The following KYNU variants were observed in gnomAD, a reference collection of about 807,000 sequenced individuals.
The protein encoded by KYNU is kynureninase, also known as L-kynurenine hydrolase.
Under a neutral mutation model 59.2 loss-of-function variants are expected in KYNU, and 54 were observed. The ratio of observed to expected loss-of-function variants is 0.91; its 90% CI spans 0.73 to 1.14. The LOEUF (loss-of-function observed/expected upper bound fraction) is 1.14, where lower values mean the gene tolerates loss of function less well. Ranked by LOEUF, KYNU falls within the 50% of genes most tolerant of loss-of-function variation. The pLI, the probability that KYNU is intolerant of heterozygous loss-of-function variation, is 0.00. For missense variants in KYNU, 567 were observed against 554.4 expected (o/e 1.02, Z -0.23); for synonymous variants, 177 against 192.0 (o/e 0.92, Z 0.65).
intron 2 of KYNU, among the ~76,000 whole-genome samples, chr2:142,900,031 G>A (rs1276229491): frequency 6.6e-6 from 1 of 152,140 alleles, no homozygotes; most frequent in East Asian, 1.9e-4. Flanking sequence ...GGCCTCAAAG[G>A]TTCCAAAGAA....
At chr2:143,041,575 AT>A (rs1687061110) in intron 13 of KYNU, among the ~76,000 whole-genome samples, 1 of 152,008 alleles carries the variant, frequency 6.6e-6, no homozygotes, top group African/African-American at 2.4e-5. Context: ...GGCATGTCAA[AT>A]TATCTGGTGC....
intron 4 of KYNU, among the ~76,000 whole-genome samples, chr2:142,933,776 C>G (rs1028823561): frequency 6.6e-6 from 1 of 152,050 alleles, no homozygotes; most frequent in Admixed American, 6.6e-5. Flanking sequence ...GGATAGGGTA[C>G]TGAGGTCAAG....
At chr2:142,883,356 G>A (rs1007943963) in intron 1 of KYNU, among the ~76,000 whole-genome samples, 4 of 151,456 alleles carry the variant, frequency 2.6e-5, no homozygotes, top group Admixed American at 1.3e-4. Context: ...CACCTCGCAC[G>A]GCTAATTTTT....
At chr2:142,988,047 C>T (rs559830516) in intron 10 of KYNU, among the ~76,000 whole-genome samples, 1 of 151,902 alleles carries the variant, frequency 6.6e-6, no homozygotes, top group African/African-American at 2.4e-5. Context: ...CAAATTAAAC[C>T]TCTTTTCTTT....
rs1024913636 is a variant in KYNU at position 143,043,356 on chromosome 2, A to G, written c.*1184A>G. On this transcript the variant is annotated 3_prime_UTR_variant, in exon 14 of 14. Coordinates refer to ENST00000264170, the MANE Select transcript of KYNU (RefSeq NM_003937.3). Reference sequence around the variant, plus strand: ...CTAGTTTTCAATTGTTGATGCCACAATCATTATTTATAAGTTGACAAAATA... The same window carrying G: ...CTAGTTTTCAATTGTTGATGCCACAGTCATTATTTATAAGTTGACAAAATA... 6.6e-6 allele frequency: 1 copy of G among 152,038 alleles called. No homozygotes were observed. Among genetic ancestry groups the G allele is most frequent in the African/African-American group, 2.4e-5 (1 of 41,438 alleles). 9.4% of individuals were successfully genotyped at this position (152,038 alleles called of 1,614,324 possible). A position where few individuals can be genotyped will look rare whatever the true frequency, so the allele number is the denominator to read the frequency against.
At chr2:142,946,845 A>T (rs1361746694) in intron 4 of KYNU, among the ~76,000 whole-genome samples, 1 of 151,868 alleles carries the variant, frequency 6.6e-6, no homozygotes, top group Non-Finnish European at 1.5e-5. Flanking sequence ...CCAATAGAGG[A>T]CTCATTCATC....
chr2:142,988,402 A>C lies in KYNU; in HGVS notation c.902+2381A>C, dbSNP rs547544281. Among the ~76,000 whole-genome samples, 17 of 152,022 alleles carry C rather than the reference A, an allele frequency of 1.1e-4. No individual in the cohort carries two copies. In the East Asian group the frequency reaches 3.3e-3, roughly 30 times the overall value. ...TTGTAACTATCACCAAGTTTATTTT[A>C]GCAGACCTTTGATGAGCTGACTGTA... On this transcript the variant is annotated intron_variant, in intron 10 of 13. Coordinates refer to ENST00000264170, the MANE Select transcript of KYNU (RefSeq NM_003937.3).
intron 2 of KYNU, among the ~76,000 whole-genome samples, chr2:142,896,204 A>G (rs1008917380): frequency 1.3e-5 from 2 of 152,208 alleles, no homozygotes; most frequent in African/African-American, 4.8e-5. Context: ...AGAAACTGGC[A>G]AACTTTTCCA....
At chr2:142,997,683 T>C (rs1685582571) in intron 10 of KYNU, among the ~76,000 whole-genome samples, 1 of 152,166 alleles carries the variant, frequency 6.6e-6, no homozygotes, top group Admixed American at 6.5e-5. Flanking sequence ...TTTTATTATA[T>C]TTTGATTTGG....
chr2:143,040,071 T>C (rs189157013), intron 12 of KYNU, among the ~76,000 whole-genome samples: 5 of 152,224 alleles, frequency 3.3e-5, no homozygotes, highest in East Asian at 1.9e-4. Context: ...CTGACTTTTT[T>C]AGTTTTTAAT....
chr2:142,943,140 G>A (rs1228680578), intron 4 of KYNU, among the ~76,000 whole-genome samples: 2 of 152,156 alleles, frequency 1.3e-5, no homozygotes, highest in Non-Finnish European at 2.9e-5. Flanking sequence ...ATTTTAGAGA[G>A]ACAGTTAACA....
intron 11 of KYNU, among the ~76,000 whole-genome samples, chr2:143,033,026 A>G (rs1415975362): frequency 1.3e-5 from 2 of 152,158 alleles, no homozygotes; most frequent in East Asian, 3.8e-4. Context: ...GTGTTCTGCT[A>G]AGAAGTTGGG....
At position 143,050,810 on chromosome 2, in the gene KYNU, C is replaced by T. The variant is rs1033691822; in HGVS notation, c.*8638C>T. 11 of 152,100 alleles carry T rather than the reference C, an allele frequency of 7.2e-5. No individual in the cohort carries two copies. Among genetic ancestry groups the T allele is most frequent in the African/African-American group, 2.4e-4 (10 of 41,416 alleles). 9.4% of individuals were successfully genotyped at this position (152,100 alleles called of 1,614,324 possible). ...ACATTTAAATTATATAGTGTATTTT[C>T]TCCATAAACTGAAGTTGTTAGAACA... On this transcript the variant is annotated 3_prime_UTR_variant, in exon 14 of 14. Transcript: ENST00000264170.
intron 4 of KYNU, among the ~76,000 whole-genome samples, chr2:142,935,848 C>T (rs763086873): frequency 2.6e-5 from 4 of 151,940 alleles, no homozygotes; most frequent in South Asian, 2.1e-4. Context: ...AGGATACATA[C>T]GGGCGTAAGG....
At chr2:142,947,456 G>A (rs1044582048) in intron 4 of KYNU, 1 of 428,100 alleles carries the variant, frequency 2.3e-6, no homozygotes, top group African/African-American at 2.0e-5. Flanking sequence ...TTCTTTAAAA[G>A]CCTTTTTCCC....
At chr2:143,030,668 A>ATTG (rs1236429637) in intron 11 of KYNU, among the ~76,000 whole-genome samples, 1 of 151,808 alleles carries the variant, frequency 6.6e-6, no homozygotes, top group African/African-American at 2.4e-5. Flanking sequence ...TATTATTATT[A>ATTG]TTATTTAGTG....
chr2:142,956,602 T>G (rs573295808), intron 6 of KYNU, among the ~76,000 whole-genome samples: 1 of 152,280 alleles, frequency 6.6e-6, no homozygotes, highest in South Asian at 2.1e-4. Context: ...TGAAATCAAA[T>G]CAATACAAAC....
intron 10 of KYNU, among the ~76,000 whole-genome samples, chr2:142,988,278 T>C (rs966083614): frequency 7.9e-5 from 12 of 151,944 alleles, no homozygotes; most frequent in African/African-American, 2.9e-4. Context: ...ACTGAGAATG[T>C]GCATAGTAAC....
intron 4 of KYNU, among the ~76,000 whole-genome samples, chr2:142,928,646 T>G (rs897187945): frequency 2.0e-5 from 3 of 152,096 alleles, no homozygotes; most frequent in Admixed American, 6.5e-5. Flanking sequence ...GAGACTATCT[T>G]GTTTATTTAA....
Sources: gnomAD v4.1 joint callset for allele counts (sites outside exome capture counted in the v4.1 genomes callset) on GRCh38, gnomAD v4.1.1 for gene constraint, MANE v1.5 for transcripts, NCBI Gene and HGNC (gene_info 2026-07-23, HGNC 2026-07-21) for gene names.